Variants in LIPK observed in about 807,000 individuals in gnomAD.
LIPK encodes the protein lipase member K.
LIPK carries 32 observed loss-of-function variants against 48.6 expected under a neutral mutation model. That is an observed-to-expected ratio of 0.66 (90% CI 0.50 to 0.88). The LOEUF (loss-of-function observed/expected upper bound fraction) is 0.88. Ranked by LOEUF, LIPK falls within the 40% of genes least tolerant of loss-of-function variation. The pLI, the probability that LIPK is intolerant of heterozygous loss-of-function variation, is 0.00. For missense variants in LIPK, 507 were observed against 478.5 expected, an observed-to-expected ratio of 1.06 and a Z score of -0.56; for synonymous variants, 164 against 157.4, an observed-to-expected ratio of 1.04 and a Z score of -0.32.
chr10:88,740,605 C>A (rs895788495), intron 8 of LIPK, among the ~76,000 whole-genome samples: 5 of 152,130 alleles, frequency 3.3e-5, no homozygotes, highest in Admixed American at 1.3e-4. Flanking sequence ...GTTGGTGTGG[C>A]TTTCTGAGCC....
chr10:88,727,619 A>T (rs390414), intron 3 of LIPK: 124,240 of 160,938 alleles, frequency 0.77, 49,026 homozygotes, highest in East Asian at 1. Context: ...TTGTATCAGA[A>T]CCTCAAGCTT....
rs376668447 is a variant in LIPK at position 88,752,647 on chromosome 10, A to G, written c.1091A>G (p.Tyr364Cys). ...CCTCAAATTGCTAACCTTATTTATT[A>G]CAAGCTGATTCCACACTACAATCAT... ...LLPQIANLIY[Y>C]KLIPHYNHVD... Residue 364 changes from tyrosine to cysteine, a missense_variant, in exon 10 of 10, where the codon TAC becomes TGC. Coordinates refer to ENST00000404190, the MANE Select transcript of LIPK (RefSeq NM_001080518.2). 50 of 1,573,660 alleles carry G rather than the reference A, an allele frequency of 3.2e-5. No homozygotes were observed. The highest frequency in any genetic ancestry group is 4.1e-5 in the Non-Finnish European group (47 of 1,157,398).
At chr10:88,747,497 A>T (rs1317873616) in intron 9 of LIPK, among the ~76,000 whole-genome samples, 1 of 152,200 alleles carries the variant, frequency 6.6e-6, no homozygotes. Context: ...CATCACATAA[A>T]CAGAACTAAA....
At chr10:88,732,099 T>C in intron 4 of LIPK, 79 bp from the exon 5 acceptor site, 2 of 881,502 alleles carry the variant, frequency 2.3e-6, no homozygotes. Flanking sequence ...AGTATTTATG[T>C]CTTCACTGAA....
At chr10:88,741,803 C>A (rs1417735130) in intron 8 of LIPK, among the ~76,000 whole-genome samples, 1 of 152,186 alleles carries the variant, frequency 6.6e-6, no homozygotes, top group Non-Finnish European at 1.5e-5. Flanking sequence ...CTATCATTCT[C>A]ATTTCACAAA....
At chr10:88,737,844 A>C in intron 7 of LIPK, 63 bp downstream of exon 7, 1 of 1,557,376 alleles carries the variant, frequency 6.4e-7, no homozygotes, top group Non-Finnish European at 8.8e-7. Context: ...GATGAAAGTT[A>C]TCCTGGATTG....
chr10:88,740,179 A>T (rs1842653217), intron 8 of LIPK, 112 bp downstream of exon 8: 4 of 590,438 alleles, frequency 6.8e-6, no homozygotes, highest in Non-Finnish European at 1.2e-5. Flanking sequence ...TGCCACATTG[A>T]TGTTTTTGGA....
At chr10:88,726,433 T>C (rs1221268572) in intron 2 of LIPK, among the ~76,000 whole-genome samples, 5 of 152,160 alleles carry the variant, frequency 3.3e-5, no homozygotes, top group African/African-American at 9.7e-5. Flanking sequence ...ACACCTATAA[T>C]CCTAGCACTT....
chr10:88,731,985 C>T (rs981446751), intron 4 of LIPK, among the ~76,000 whole-genome samples, 193 bp from the exon 5 acceptor site: 2 of 152,206 alleles, frequency 1.3e-5, no homozygotes, highest in Non-Finnish European at 2.9e-5. Flanking sequence ...TTTCTGATTT[C>T]AGTTTCTTAA....
Position 88,731,106 on chromosome 10 carries a change from G to A in LIPK, c.347G>A (p.Gly116Glu), listed in dbSNP as rs778365608. 6.2e-7 allele frequency: 1 copy of A among 1,606,672 alleles called. No homozygotes were observed. Among genetic ancestry groups the A allele is most frequent in the Non-Finnish European group, 8.5e-7 (1 of 1,176,904 alleles). The change falls in exon 4 of 10, where the codon GGG becomes GAG. Residue 116 changes from glycine (G) to glutamate (E), a missense_variant. By Grantham distance (98) the Gly-to-Glu change is moderately conservative (BLOSUM62 -2). Coordinates refer to ENST00000404190, the MANE Select transcript of LIPK (RefSeq NM_001080518.2). Reference sequence around the variant, plus strand: ...GATAGTGGTTATGACGTGTGGTTGGGGAACAGCCGAGGAAACACTTGGTCC... The same window carrying A: ...GATAGTGGTTATGACGTGTGGTTGGAGAACAGCCGAGGAAACACTTGGTCC... ...LADSGYDVWL[G>E]NSRGNTWSRK...
rs540296989 is a variant in LIPK, at chr10:88,747,986, A to G, written c.961-4531A>G. Among the ~76,000 whole-genome samples the G allele has an allele frequency of 2.6e-5, 4 of 152,320 alleles. No homozygotes were observed. In the South Asian group the frequency reaches 8.3e-4, roughly 32 times the overall value. ...TGTTTACTGCAGCACTGTTTACAAT[A>G]ACAAAGACATGGAACCAACGGAAAT... On this transcript the variant is annotated intron_variant, in intron 9 of 9. Coordinates refer to ENST00000404190, the MANE Select transcript of LIPK (RefSeq NM_001080518.2).
chr10:88,719,355 G>C (rs1842178176), intron 1 of LIPK, among the ~76,000 whole-genome samples: 1 of 152,218 alleles, frequency 6.6e-6, no homozygotes, highest in African/African-American at 2.4e-5. Context: ...TCAATAGTTA[G>C]GAAGTGTCTA....
intron 1 of LIPK, among the ~76,000 whole-genome samples, chr10:88,707,459 C>T (rs1841956021): frequency 6.6e-6 from 1 of 152,058 alleles, no homozygotes; most frequent in African/African-American, 2.4e-5. Context: ...ATCTTTCAGA[C>T]CCTATTTTAC....
chr10:88,708,695 T>C (rs960524524), intron 1 of LIPK, among the ~76,000 whole-genome samples: 1 of 152,074 alleles, frequency 6.6e-6, no homozygotes, highest in African/African-American at 2.4e-5. Context: ...ATGCCTAATA[T>C]CATCCATTTA....
chr10:88,706,609 C>A (rs1841940361), intron 1 of LIPK, among the ~76,000 whole-genome samples: 3 of 152,130 alleles, frequency 2.0e-5, no homozygotes, highest in Non-Finnish European at 4.4e-5. Flanking sequence ...TTGGAAAAAT[C>A]TAGCAATAAA....
intron 9 of LIPK, among the ~76,000 whole-genome samples, chr10:88,746,986 CCT>C (rs1217867077): frequency 6.6e-6 from 1 of 152,120 alleles, no homozygotes; most frequent in Non-Finnish European, 1.5e-5. Context: ...ATCATTATCA[CCT>C]CTACACACAC....
chr10:88,731,292 A>G (rs944945584), intron 4 of LIPK, 111 bp downstream of exon 4: 5 of 904,282 alleles, frequency 5.5e-6, no homozygotes, highest in African/African-American at 1.7e-5. Context: ...TGGAATCCAC[A>G]AGAAGGAAAC....
chr10:88,713,265 G>A (rs1842056232), intron 1 of LIPK, among the ~76,000 whole-genome samples: 1 of 152,172 alleles, frequency 6.6e-6, no homozygotes, highest in Non-Finnish European at 1.5e-5. Context: ...TACCAATAGA[G>A]TTGTTTGTAA....
chr10:88,723,328 ATAT>A (rs1429970144), intron 1 of LIPK, among the ~76,000 whole-genome samples: 1 of 152,214 alleles, frequency 6.6e-6, no homozygotes, highest in Non-Finnish European at 1.5e-5. Flanking sequence ...TCTGAAGGTG[ATAT>A]TATTATTGCT....
Sources: gnomAD v4.1 joint callset for allele counts (sites outside exome capture counted in the v4.1 genomes callset) on GRCh38, gnomAD v4.1.1 for gene constraint, MANE v1.5 for transcripts, NCBI Gene and HGNC (gene_info 2026-07-23, HGNC 2026-07-21) for gene names.